SCARB2: variants seen among roughly 807,000 people sequenced by gnomAD.
The protein encoded by SCARB2 is scavenger receptor class B member 2.
In SCARB2, 29 loss-of-function variants were observed where a neutral mutation model predicts 58.6. The ratio of observed to expected loss-of-function variants is 0.49; its 90% CI spans 0.37 to 0.67. SCARB2 has a LOEUF of 0.67. Ranked by LOEUF, SCARB2 falls within the 30% of genes least tolerant of loss-of-function variation. The probability of loss-of-function intolerance (pLI) is 0.00; values close to 1 mark genes in which losing one functional copy is unlikely to be tolerated. For missense variants in SCARB2, 488 were observed against 578.5 expected (o/e 0.84, Z 1.60); for synonymous variants, 195 against 210.1 (o/e 0.93, Z 0.62).
At chr4:76,179,202 CA>C (rs1175728469) in intron 4 of SCARB2, 2 of 363,026 alleles carry the variant, frequency 5.5e-6, no homozygotes, top group African/African-American at 4.2e-5. Context: ...TACAGGTGTA[CA>C]TCACCACAGC....
chr4:76,160,225 T>C lies in SCARB2; in HGVS notation c.*1488A>G, dbSNP rs923769111. The C allele has an allele frequency of 6.6e-6, 1 of 152,242 alleles. No individual in the cohort carries two copies. Among genetic ancestry groups the C allele is most frequent in the Non-Finnish European group, 1.5e-5 (1 of 68,040 alleles). The allele number at this position is 152,242 out of a possible 1,614,324, so 9.4% of individuals were successfully genotyped here. A position where few individuals can be genotyped will look rare whatever the true frequency, so the allele number is the denominator to read the frequency against. On this transcript the variant is annotated 3_prime_UTR_variant, in exon 12 of 12. Coordinates refer to ENST00000264896, the MANE Select transcript of SCARB2 (RefSeq NM_005506.4). ...TATGGAAATGAAATCTATATTTTTT[T>C]CTTCATTTGCTTACATTGAAATCCA...
At chr4:76,185,737 A>G (rs937234540) in intron 2 of SCARB2, among the ~76,000 whole-genome samples, 2 of 152,182 alleles carry the variant, frequency 1.3e-5, no homozygotes, top group African/African-American at 4.8e-5. Flanking sequence ...TTTCAGTCAT[A>G]TTGGTTCCTT....
chr4:76,214,296 C>T, upstream of SCARB2: 1 of 456,182 alleles, frequency 2.2e-6, no homozygotes, highest in Non-Finnish European at 4.4e-6. Context: ...CATGTTCTGC[C>T]TGGATGACCT....
intron 1 of SCARB2, among the ~76,000 whole-genome samples, chr4:76,206,585 T>C (rs1578739206): frequency 2.0e-5 from 3 of 152,046 alleles, no homozygotes; most frequent in South Asian, 4.2e-4. Flanking sequence ...TCTCTATTCA[T>C]CCAAGTAACA....
At chr4:76,203,932 G>A (rs898609531) in intron 1 of SCARB2, among the ~76,000 whole-genome samples, 2 of 152,180 alleles carry the variant, frequency 1.3e-5, no homozygotes, top group South Asian at 2.1e-4. Flanking sequence ...GGAAAGTTTC[G>A]GGATTCGAGA....
intron 1 of SCARB2, 107 bp from the exon 2 acceptor site, chr4:76,195,971 A>G: frequency 2.7e-6 from 2 of 732,296 alleles, no homozygotes; most frequent in Non-Finnish European, 4.5e-6. Flanking sequence ...CTAGATCACT[A>G]TTTTAATCAT....
rs890417363 is a variant in SCARB2 at position 76,175,932 on chromosome 4, A to T, written c.705-22T>A. On this transcript the variant is annotated intron_variant, in intron 5 of 11. Coordinates refer to ENST00000264896, the MANE Select transcript of SCARB2 (RefSeq NM_005506.4). ...TGACCTATAATTGATAAGCACAAGA[A>T]AGAGTAAAGATGATCACATTTGAGT... 1.9e-6 allele frequency: 3 copies of T among 1,612,688 alleles called. No homozygotes were observed. The African/African-American group carries it at 4.0e-5, about 22-fold the overall frequency.
chr4:76,182,425 T>G (rs1196910758), intron 2 of SCARB2, among the ~76,000 whole-genome samples: 1 of 152,194 alleles, frequency 6.6e-6, no homozygotes, highest in Non-Finnish European at 1.5e-5. Flanking sequence ...TTAAAATATA[T>G]TATCAAAATT....
At chr4:76,229,401 G>C (rs1450552406) in intron 1 of SCARB2, among the ~76,000 whole-genome samples, 1 of 152,144 alleles carries the variant, frequency 6.6e-6, no homozygotes, top group Non-Finnish European at 1.5e-5. Context: ...TGGTTTTGTG[G>C]GGTGTTATAG....
At chr4:76,169,813 T>C in intron 8 of SCARB2, 54 bp downstream of exon 8, 3 of 1,365,242 alleles carry the variant, frequency 2.2e-6, no homozygotes, top group African/African-American at 1.4e-5. Context: ...TGGTGAACAA[T>C]GTATAGACAG....
At chr4:76,215,333 C>G (rs1733185459), upstream of SCARB2, among the ~76,000 whole-genome samples, 1 of 152,188 alleles carries the variant, frequency 6.6e-6, no homozygotes, top group Admixed American at 6.5e-5. Flanking sequence ...GTGGTGGATC[C>G]TGCTTGAACC....
rs180965045 is a variant in SCARB2 at position 76,233,909 on chromosome 4, T to C, written c.-358+394A>G. On this transcript the variant is annotated intron_variant, in intron 1 of 11. Transcript: ENST00000638295. ...GCATCTTCTAAAAGGAAAAGAACTT[T>C]AAAAGTTACTACTGATGGGGTGAAG... 1.2e-4 allele frequency among the ~76,000 whole-genome samples: 18 copies of C among 152,284 alleles called. No individual in the cohort carries two copies. In the East Asian group the frequency reaches 3.5e-3, roughly 29 times the overall value.
intron 9 of SCARB2, among the ~76,000 whole-genome samples, chr4:76,167,650 T>A (rs1732035628): frequency 6.9e-6 from 1 of 144,852 alleles, no homozygotes; most frequent in Admixed American, 6.9e-5. Flanking sequence ...CTCAGGTATT[T>A]CCTTTCCTTT....
intron 6 of SCARB2, 117 bp from the exon 7 acceptor site, chr4:76,174,430 T>C (rs1319172770): frequency 1.2e-6 from 1 of 865,612 alleles, no homozygotes; most frequent in East Asian, 2.5e-5. Context: ...ACAGGGTAAG[T>C]AGAAAGGAAT....
upstream of SCARB2, among the ~76,000 whole-genome samples, chr4:76,215,947 A>T (rs1046129669): frequency 6.6e-6 from 1 of 152,192 alleles, no homozygotes; most frequent in African/African-American, 2.4e-5. Context: ...TACTCAGTAG[A>T]TAACTGGAGC....
At chr4:76,230,355 CT>C (rs574010693) in intron 1 of SCARB2, among the ~76,000 whole-genome samples, 141 of 152,244 alleles carry the variant, frequency 9.3e-4, no homozygotes, top group South Asian at 2.9e-3. Flanking sequence ...GCTGGTCTTG[CT>C]CGCTCTGTGC....
chr4:76,224,793 T>G (rs1255990268), intron 1 of SCARB2, among the ~76,000 whole-genome samples: 2 of 152,046 alleles, frequency 1.3e-5, no homozygotes, highest in Non-Finnish European at 2.9e-5. Context: ...ACAGGTGGTG[T>G]TTGGTTGCAT....
At position 76,195,779 on chromosome 4, in the gene SCARB2, T is replaced by C. The variant is rs1394046858; in HGVS notation, c.203A>G (p.Asn68Ser). 7.4e-6 allele frequency: 12 copies of C among 1,613,806 alleles called. No homozygotes were observed. The highest frequency in any genetic ancestry group is 2.2e-5 in the East Asian group (1 of 44,890). ...GAGGATCTCCTCTGGATTGGTGACA[T>C]TGAAGAAATAGAACTGAGTATACAC... is the stretch of plus-strand genomic sequence containing the variant. ...LPVYTQFYFF[N>S]VTNPEEILRG... Residue 68 changes from asparagine to serine, a missense_variant, in exon 2 of 12, where the codon AAT (asparagine) becomes AGT (serine). Physicochemically the swap from Asn to Ser is conservative, Grantham distance 46 (BLOSUM62 1). Coordinates refer to ENST00000264896, the MANE Select transcript of SCARB2 (RefSeq NM_005506.4).
At chr4:76,201,627 G>A (rs919265906) in intron 1 of SCARB2, among the ~76,000 whole-genome samples, 2 of 152,288 alleles carry the variant, frequency 1.3e-5, no homozygotes, top group African/African-American at 2.4e-5. Context: ...CAGTACTGCA[G>A]AATCAAGAAG....
Sources: allele counts gnomAD v4.1 joint callset (sites outside exome capture counted in the v4.1 genomes callset), GRCh38; gene constraint gnomAD v4.1.1; transcripts MANE v1.5; gene names NCBI Gene and HGNC (gene_info 2026-07-23, HGNC 2026-07-21).